Variants in ZNF407 observed in about 807,000 individuals in gnomAD.
The protein encoded by ZNF407 is zinc finger protein 407.
Under a neutral mutation model 131.2 loss-of-function variants are expected in ZNF407, and 17 were observed. The ratio of observed to expected loss-of-function variants is 0.13; its 90% CI spans 0.09 to 0.19. The LOEUF is 0.19. ZNF407 is among the 10% of genes least tolerant of loss of function. The probability of loss-of-function intolerance (pLI) is 1.00; values close to 1 mark genes in which losing one functional copy is unlikely to be tolerated. For missense variants in ZNF407, 2,681 were observed against 2,830.6 expected, an observed-to-expected ratio of 0.95 and a Z score of 1.20; for synonymous variants, 1,156 against 1,062.0, an observed-to-expected ratio of 1.09 and a Z score of -1.72.
chr18:74,600,641 C>T (rs1251640261), intron 1 of ZNF407, among the ~76,000 whole-genome samples: 1 of 151,968 alleles, frequency 6.6e-6, no homozygotes, highest in African/African-American at 2.4e-5. Context: ...GGGAGGAATA[C>T]CAAGAGGGAA....
chr18:74,735,974 T>C (rs780169109), intron 3 of ZNF407, among the ~76,000 whole-genome samples: 14 of 152,196 alleles, frequency 9.2e-5, no homozygotes, highest in Admixed American at 8.5e-4. Context: ...CTAGTTTGTA[T>C]TGGCAAACTC....
chr18:74,626,259 G>A (rs1194930750), intron 1 of ZNF407, among the ~76,000 whole-genome samples: 2 of 152,194 alleles, frequency 1.3e-5, no homozygotes, highest in Non-Finnish European at 2.9e-5. Flanking sequence ...ATACATAGCT[G>A]CTAGCAATGC....
chr18:75,036,344 A>G (rs1163977014), intron 8 of ZNF407, among the ~76,000 whole-genome samples: 1 of 152,084 alleles, frequency 6.6e-6, no homozygotes, highest in Non-Finnish European at 1.5e-5. Flanking sequence ...GGATGGAGGG[A>G]AGTGTGACCT....
chr18:74,621,172 A>G (rs1221043507), intron 1 of ZNF407, among the ~76,000 whole-genome samples: 2 of 152,104 alleles, frequency 1.3e-5, no homozygotes, highest in African/African-American at 4.8e-5. Flanking sequence ...TATGGGGTAC[A>G]TGAGATGTTT....
intron 4 of ZNF407, among the ~76,000 whole-genome samples, chr18:74,814,604 T>C (rs985213430): frequency 6.6e-6 from 1 of 152,248 alleles, no homozygotes; most frequent in African/African-American, 2.4e-5. Context: ...TCCAGTGCCC[T>C]GACTGCATTG....
intron 8 of ZNF407, among the ~76,000 whole-genome samples, chr18:75,053,835 C>G (rs1973530081): frequency 6.6e-6 from 1 of 152,242 alleles, no homozygotes; most frequent in Admixed American, 6.5e-5. Flanking sequence ...CAAGGAAGGA[C>G]TGAGGGCCAT....
chr18:75,058,664 A>AC (rs1973589870), intron 8 of ZNF407, among the ~76,000 whole-genome samples: 7 of 152,212 alleles, frequency 4.6e-5, no homozygotes. Context: ...TGCAACCTGT[A>AC]CCACGTGCCT....
intron 4 of ZNF407, among the ~76,000 whole-genome samples, chr18:74,828,225 A>G (rs1970435147): frequency 6.6e-6 from 1 of 152,188 alleles, no homozygotes; most frequent in African/African-American, 2.4e-5. Flanking sequence ...GGTGAGGGGC[A>G]CAGAAAGTTG....
At chr18:75,060,394 G>C (rs1050354641) in intron 8 of ZNF407, 67 of 152,246 alleles carry the variant, frequency 4.4e-4, no homozygotes, top group African/African-American at 1.5e-3. Context: ...TAGCCCGGCG[G>C]CATCTGCTCA....
At chr18:74,900,013 G>A (rs1971502620) in intron 7 of ZNF407, among the ~76,000 whole-genome samples, 1 of 152,210 alleles carries the variant, frequency 6.6e-6, no homozygotes, top group South Asian at 2.1e-4. Flanking sequence ...TGCTGTCTTT[G>A]TGTTGGCATT....
intron 4 of ZNF407, among the ~76,000 whole-genome samples, chr18:74,830,239 G>T (rs1970463635): frequency 6.6e-6 from 1 of 152,110 alleles, no homozygotes; most frequent in Admixed American, 6.5e-5. Context: ...GGCAGCCCTA[G>T]CACACTAATG....
chr18:74,663,631 T>G (rs991198460), intron 3 of ZNF407, among the ~76,000 whole-genome samples: 4 of 152,204 alleles, frequency 2.6e-5, no homozygotes, highest in Non-Finnish European at 4.4e-5. Context: ...TTTAAAGGCC[T>G]GCTGCATTTT....
At position 75,063,364 on chromosome 18, in the gene ZNF407, G is replaced by A. The variant is rs772025325; in HGVS notation, c.5643G>A (p.Ser1881=). The A allele has an allele frequency of 1.6e-5, 25 of 1,611,850 alleles. No homozygotes were observed. The highest frequency in any genetic ancestry group is 1.5e-4 in the Admixed American group (9 of 59,872). ...GYDGEFALDP[S]VEETAAATLQ... is the part of the protein sequence containing the mutation. ...ACGGGGAGTTTGCCCTGGACCCCTC[G>A]GTGGAGGAGACGGCCGCCGCCACGC... Residue 1881 remains serine (S), a synonymous_variant, in exon 9 of 9, where the codon TCG becomes TCA. Transcript: ENST00000299687. The surrounding 1 kb of genome is among the most constrained non-coding windows in gnomAD (Gnocchi z 6.6).
intron 4 of ZNF407, among the ~76,000 whole-genome samples, chr18:74,851,896 A>G (rs1186956808): frequency 6.6e-6 from 1 of 152,196 alleles, no homozygotes; most frequent in Non-Finnish European, 1.5e-5. Flanking sequence ...GGCATCTTGA[A>G]CAAAAGTTAG....
chr18:74,701,050 C>T (rs1445601379), intron 3 of ZNF407, among the ~76,000 whole-genome samples: 3 of 152,142 alleles, frequency 2.0e-5, no homozygotes, highest in Non-Finnish European at 2.9e-5. Context: ...ATAAAGACAA[C>T]AGACAGCTGT....
intron 3 of ZNF407, among the ~76,000 whole-genome samples, chr18:74,749,616 C>A (rs1968752650): frequency 6.6e-6 from 1 of 152,054 alleles, no homozygotes; most frequent in Non-Finnish European, 1.5e-5. Context: ...GAAAAAAATT[C>A]CTGTATTTAT....
chr18:75,006,358 G>A (rs2122171112), intron 8 of ZNF407, among the ~76,000 whole-genome samples: 1 of 152,042 alleles, frequency 6.6e-6, no homozygotes, highest in South Asian at 2.1e-4. Context: ...AACTTAAGTT[G>A]AATGCTTAAT....
chr18:74,828,272 G>A (rs879268381), intron 4 of ZNF407, among the ~76,000 whole-genome samples: 5 of 152,114 alleles, frequency 3.3e-5, no homozygotes, highest in East Asian at 3.9e-4. Context: ...CATTTCCCCC[G>A]GAGATACCTG....
intron 8 of ZNF407, among the ~76,000 whole-genome samples, chr18:74,941,076 C>T (rs1340230997): frequency 7.1e-6 from 1 of 140,216 alleles, no homozygotes; most frequent in African/African-American, 3.0e-5. Flanking sequence ...GGAACCGGGC[C>T]CGTCCTTGCC....
Sources: gnomAD v4.1 joint callset for allele counts (sites outside exome capture counted in the v4.1 genomes callset) on GRCh38, gnomAD v4.1.1 for gene constraint, Gnocchi (gnomAD v3.1) non-coding constraint, MANE v1.5 for transcripts, NCBI Gene and HGNC (gene_info 2026-07-23, HGNC 2026-07-21) for gene names.